CEP76: variants seen among roughly 807,000 people sequenced by gnomAD.
CEP76 encodes the protein centrosomal protein of 76 kDa.
A neutral mutation model predicts 83.3 loss-of-function variants in CEP76; 55 were observed. The observed-to-expected ratio is 0.66, with a 90% CI of 0.53 to 0.83. CEP76 has a LOEUF of 0.83. CEP76 is among the 40% of genes least tolerant of loss of function. CEP76 has a pLI of 0.00. For synonymous variants in CEP76, 270 were observed against 274.5 expected (o/e 0.98, Z 0.16); for missense variants, 694 against 799.5 (o/e 0.87, Z 1.59).
intron 7 of CEP76, 46 bp from the exon 8 acceptor site, chr18:12,686,496 C>T (rs1385246665): frequency 1.5e-6 from 2 of 1,362,284 alleles, no homozygotes; most frequent in Admixed American, 2.1e-5. Context: ...TTAATCATCC[C>T]CAATTATGTT....
At chr18:12,691,330 A>G in intron 7 of CEP76, 29 bp downstream of exon 7, 1 of 1,449,786 alleles carries the variant, frequency 6.9e-7, no homozygotes, top group Non-Finnish European at 9.4e-7. Flanking sequence ...AAATACAGGC[A>G]TAAAATTATT....
At chr18:12,700,124 A>C (rs2040101885) in intron 2 of CEP76, 2 of 349,278 alleles carry the variant, frequency 5.7e-6, no homozygotes, top group Non-Finnish European at 1.0e-5. Flanking sequence ...TAAGGAATTA[A>C]ACTGTCTTCA....
chr18:12,668,633 T>TGAA (rs2038858079), downstream of CEP76, among the ~76,000 whole-genome samples: 1 of 101,846 alleles, frequency 9.8e-6, no homozygotes, highest in Non-Finnish European at 2.1e-5. Flanking sequence ...AAAAAAATAG[T>TGAA]GAATGTACTT....
chr18:12,686,635 T>G, intron 7 of CEP76, 185 bp from the exon 8 acceptor site: 1 of 452,050 alleles, frequency 2.2e-6, no homozygotes, highest in Non-Finnish European at 4.0e-6. Context: ...TCCGTTATTT[T>G]CATTTTATAG....
Position 12,699,922 on chromosome 18 carries a change from A to G in CEP76, c.220-17T>C. 6.6e-7 allele frequency: 1 copy of G among 1,510,184 alleles called. No individual in the cohort carries two copies. Among genetic ancestry groups the G allele is most frequent in the Admixed American group, 2.0e-5 (1 of 49,276 alleles). The allele number at this position is 1,510,184 out of a possible 1,614,324, so 93.5% of individuals were successfully genotyped here. On this transcript the variant is annotated splice_polypyrimidine_tract_variant and intron_variant, in intron 2 of 11. Coordinates refer to ENST00000262127, the MANE Select transcript of CEP76 (RefSeq NM_024899.4). The stretch of plus-strand genomic sequence containing the variant: ...AACACTGTCCTAGAAAGGCAGGAAA[A>G]AAAAATCAAAACAAATTAGAAAACA...
intron 5 of CEP76, among the ~76,000 whole-genome samples, chr18:12,695,578 T>C (rs920824712): frequency 2.0e-5 from 3 of 151,988 alleles, no homozygotes; most frequent in African/African-American, 7.2e-5. Flanking sequence ...TCTGACACTC[T>C]TTTTCTTCTT....
intron 4 of CEP76, chr18:12,698,762 T>C (rs375399924): frequency 9.1e-6 from 5 of 552,416 alleles, no homozygotes; most frequent in East Asian, 5.9e-5. Flanking sequence ...GAATCAACAA[T>C]GAAAACAGTC....
At chr18:12,669,590 T>TA (rs2038887677), downstream of CEP76, among the ~76,000 whole-genome samples, 1 of 152,202 alleles carries the variant, frequency 6.6e-6, no homozygotes, top group Non-Finnish European at 1.5e-5. Flanking sequence ...AGGGGACTGT[T>TA]GGCATACATA....
At chr18:12,672,540 T>C, downstream of CEP76, 1 of 490,408 alleles carries the variant, frequency 2.0e-6, no homozygotes, top group South Asian at 8.5e-5. Context: ...TATATGCTGA[T>C]TTTTTTATCA....
intron 10 of CEP76, among the ~76,000 whole-genome samples, chr18:12,677,502 G>A (rs1377076349): frequency 3.0e-5 from 4 of 135,374 alleles, no homozygotes; most frequent in Admixed American, 7.4e-5. Context: ...GATCTCAAAA[G>A]TAATCAGGGA....
rs2040062468 is a variant in CEP76 at position 12,699,159 on chromosome 18, C to T, written c.340G>A (p.Gly114Ser). 6.2e-7 allele frequency: 1 copy of T among 1,613,912 alleles called. No individual in the cohort carries two copies. Among genetic ancestry groups the T allele is most frequent in the African/African-American group, 1.3e-5 (1 of 74,914 alleles). Reference sequence around the variant, plus strand: ...AGATGTTCCAAGAAAGCTTTTCCACCCAAAACCTGAAGGTAAAGATACCTC... The same window carrying T: ...AGATGTTCCAAGAAAGCTTTTCCACTCAAAACCTGAAGGTAAAGATACCTC... The part of the protein sequence containing the change: ...TRRYLYLQVL[G>S]GKAFLEHLQE... Residue 114 changes from glycine (G) to serine (S), a missense_variant, in exon 4 of 12, where the codon GGT (glycine) becomes AGT (serine). Transcript: ENST00000262127.
Position 12,700,957 on chromosome 18 carries a change from C to G in CEP76, c.219+1G>C. On this transcript the variant is annotated splice_donor_variant, in intron 2 of 11. Transcript: ENST00000262127. LOFTEE classifies it high-confidence loss of function. ...ATTTATTTCCCTAAAAGATTACTCA[C>G]AGTAACAAAATTAAGTTCTTTCATC... 6.2e-7 allele frequency: 1 copy of G among 1,610,726 alleles called. No individual in the cohort carries two copies. The highest frequency in any genetic ancestry group is 8.5e-7 in the Non-Finnish European group (1 of 1,177,712).
intron 12 of CEP76, among the ~76,000 whole-genome samples, chr18:12,664,696 A>ATTTTTTTTT (rs1277697796): frequency 6.8e-6 from 1 of 146,338 alleles, no homozygotes; most frequent in African/African-American, 2.5e-5. Flanking sequence ...ATTTGTCCTG[A>ATTTTTTTTT]TCTTTTTTTT....
At chr18:12,669,058 T>TTTTTA (rs2038873511), downstream of CEP76, among the ~76,000 whole-genome samples, 4 of 127,490 alleles carry the variant, frequency 3.1e-5, no homozygotes, top group Admixed American at 8.6e-5. Context: ...TTTTTTTTTT[T>TTTTTA]GAGACAGAGT....
In CEP76 at chr18:12,673,164, T is replaced by G; in HGVS notation, c.*201A>C. 2 of 1,215,004 alleles carry G rather than the reference T, an allele frequency of 1.6e-6. No individual in the cohort carries two copies. Among genetic ancestry groups the G allele is most frequent in the East Asian group, 3.6e-5 (1 of 27,970 alleles). The allele number at this position is 1,215,004 out of a possible 1,614,324, so 75.3% of individuals were successfully genotyped here. Reference sequence around the variant, plus strand: ...TAATTTATACTAAATTCCAGGGAGATTTATACAAGTTTTTCAGCCTTAATT... The same window carrying G: ...TAATTTATACTAAATTCCAGGGAGAGTTATACAAGTTTTTCAGCCTTAATT... On this transcript the variant is annotated 3_prime_UTR_variant, in exon 12 of 12. Transcript: ENST00000262127.
At chr18:12,668,004 C>A (rs1173349814), downstream of CEP76, among the ~76,000 whole-genome samples, 1 of 151,958 alleles carries the variant, frequency 6.6e-6, no homozygotes, top group Admixed American at 6.6e-5. Context: ...GTGGCTCACG[C>A]CTGTAATCCC....
At chr18:12,693,793 CA>C (rs965214404) in intron 6 of CEP76, among the ~76,000 whole-genome samples, 2 of 151,938 alleles carry the variant, frequency 1.3e-5, no homozygotes, top group African/African-American at 4.8e-5. Context: ...AAAAAACAAA[CA>C]AAAAAACCCC....
rs2039580051 is a variant in CEP76, at chr18:12,687,462, T to C, written c.934-1012A>G. On this transcript the variant is annotated intron_variant, in intron 7 of 11. Coordinates refer to ENST00000262127, the MANE Select transcript of CEP76 (RefSeq NM_024899.4). ...AACTATAGAAGGCATCAATTTTTTT[T>C]TTTTTTTTTTTGAGACAGAGTCTCG... 2.6e-5 allele frequency among the ~76,000 whole-genome samples: 4 copies of C among 151,466 alleles called. No homozygotes were observed. The South Asian group carries it at 6.3e-4, about 24-fold the overall frequency.
In CEP76 at chr18:12,673,313, A is replaced by C; in HGVS notation, c.*52T>G. The C allele has an allele frequency of 6.4e-7, 1 of 1,560,440 alleles. No homozygotes were observed. The highest frequency in any genetic ancestry group is 1.2e-5 in the South Asian group (1 of 83,296). On this transcript the variant is annotated 3_prime_UTR_variant, in exon 12 of 12. Transcript: ENST00000262127. ...CCTCTAAATAGCTAAGTAATGTACA[A>C]TGTGTAAAATTCCAATTAAACACAG...
Sources: allele counts gnomAD v4.1 joint callset (sites outside exome capture counted in the v4.1 genomes callset), GRCh38; gene constraint gnomAD v4.1.1; transcripts MANE v1.5; gene names NCBI Gene and HGNC (gene_info 2026-07-23, HGNC 2026-07-21).